TMEM260: variants seen among roughly 807,000 people sequenced by gnomAD.
TMEM260 encodes the protein protein O-mannosyl-transferase TMEM260.
A neutral mutation model predicts 88.9 loss-of-function variants in TMEM260; 82 were observed. That is an observed-to-expected ratio of 0.92 (90% CI 0.77 to 1.11). The LOEUF (loss-of-function observed/expected upper bound fraction) is 1.11. Among genes scored for constraint, TMEM260 ranks in the 50% least tolerant of loss-of-function variants. The probability of loss-of-function intolerance (pLI) is 0.00; values close to 1 mark genes in which losing one functional copy is unlikely to be tolerated. For synonymous variants in TMEM260, 314 were observed against 309.3 expected, an observed-to-expected ratio of 1.02 and a Z score of -0.16; for missense variants, 902 against 853.4, an observed-to-expected ratio of 1.06 and a Z score of -0.71.
At chr14:56,590,703 T>C (rs1364930816) in intron 3 of TMEM260, among the ~76,000 whole-genome samples, 1 of 152,256 alleles carries the variant, frequency 6.6e-6, no homozygotes, top group African/African-American at 2.4e-5. Context: ...AATGCTATCA[T>C]AGCTCTGATT....
At chr14:56,653,140 C>A (rs1890235485), downstream of TMEM260, among the ~76,000 whole-genome samples, 1 of 151,628 alleles carries the variant, frequency 6.6e-6, no homozygotes, top group Non-Finnish European at 1.5e-5. Context: ...CTAAAAAATA[C>A]AAAATTTAGC....
intron 15 of TMEM260, among the ~76,000 whole-genome samples, chr14:56,638,684 T>A (rs922316192): frequency 9.9e-5 from 15 of 152,100 alleles, no homozygotes; most frequent in Non-Finnish European, 2.1e-4. Flanking sequence ...CCACCCCCAG[T>A]GCTAGTTTTT....
At chr14:56,662,552 C>G in the TMEM260 span, among the ~76,000 whole-genome samples, 1 of 152,206 alleles carries the variant, frequency 6.6e-6, no homozygotes, top group African/African-American at 2.4e-5. Flanking sequence ...ACCAGAACCA[C>G]CCCTGTGCCC....
intron 4 of TMEM260, among the ~76,000 whole-genome samples, chr14:56,604,676 T>TA (rs1032763377): frequency 6.6e-5 from 10 of 152,268 alleles, no homozygotes; most frequent in East Asian, 1.9e-4. Flanking sequence ...CTGATTATGT[T>TA]AAAAAAATTA....
intron 7 of TMEM260, chr14:56,615,449 A>G (rs983289170): frequency 2.0e-5 from 3 of 152,358 alleles, no homozygotes; most frequent in African/African-American, 7.2e-5. Context: ...GAAAACAAGG[A>G]AACCAATTAA....
chr14:56,595,363 A>T (rs1008675135), intron 3 of TMEM260, among the ~76,000 whole-genome samples: 12 of 152,206 alleles, frequency 7.9e-5, no homozygotes, highest in Admixed American at 7.9e-4. Flanking sequence ...TAAAATATAA[A>T]ATGGGAAATT....
At chr14:56,599,056 T>C (rs17091765) in intron 3 of TMEM260, among the ~76,000 whole-genome samples, 2,873 of 152,208 alleles carry the variant, frequency 0.019, 87 homozygotes, top group African/African-American at 0.065. Flanking sequence ...TGGTATGACT[T>C]TAGCTTTCAT....
At chr14:56,649,668 A>G (rs1890159670), downstream of TMEM260, among the ~76,000 whole-genome samples, 1 of 152,166 alleles carries the variant, frequency 6.6e-6, no homozygotes, top group South Asian at 2.1e-4. Flanking sequence ...TATATTTCCT[A>G]TTAGTAGCCT....
intron 15 of TMEM260, among the ~76,000 whole-genome samples, chr14:56,644,429 G>A (rs1467026874): frequency 6.6e-6 from 1 of 152,194 alleles, no homozygotes; most frequent in Non-Finnish European, 1.5e-5. Flanking sequence ...AATAAATGGT[G>A]CTGGGAAAAC....
intron 15 of TMEM260, chr14:56,638,360 T>G (rs1889286646): frequency 6.6e-6 from 1 of 152,130 alleles, no homozygotes; most frequent in Non-Finnish European, 1.5e-5. Flanking sequence ...TGAAAAGATC[T>G]CCTTTCACAT....
chr14:56,636,444 T>C, intron 14 of TMEM260, 64 bp from the exon 15 acceptor site: 1 of 1,305,312 alleles, frequency 7.7e-7, no homozygotes, highest in Non-Finnish European at 1.1e-6. Flanking sequence ...CTGGAAGATT[T>C]AGCTAGCCCT....
At chr14:56,642,682 G>C (rs1889685910) in intron 15 of TMEM260, among the ~76,000 whole-genome samples, 1 of 152,248 alleles carries the variant, frequency 6.6e-6, no homozygotes, top group African/African-American at 2.4e-5. Flanking sequence ...AGGAAATAGA[G>C]ACACAAAAAA....
rs1889408621 is a variant in TMEM260, at chr14:56,639,590, TTTCTGCA to T, written c.1869+2995_1869+3001del. Among the ~76,000 whole-genome samples the T allele has an allele frequency of 2.6e-5, 4 of 152,288 alleles. No homozygotes were observed. In the South Asian group the frequency reaches 8.3e-4, roughly 32 times the overall value. On this transcript the variant is annotated intron_variant, in intron 15 of 15. Coordinates refer to ENST00000261556, the MANE Select transcript of TMEM260 (RefSeq NM_017799.4). ...CATGAGCAACGCAGAAGACGGGTGA[TTTCTGCA>T]TTTCCAACTGAGGTACCGGGTTCAT...
chr14:56,617,075 G>A (rs1224647189), intron 8 of TMEM260, 108 bp from the exon 9 acceptor site: 10 of 589,846 alleles, frequency 1.7e-5, no homozygotes, highest in Middle Eastern at 4.9e-4. Flanking sequence ...TTTGCTCCTA[G>A]TTAAAAATGG....
chr14:56,580,404 G>A lies in TMEM260; in HGVS notation c.160+330G>A, dbSNP rs769707958. 7.9e-5 allele frequency among the ~76,000 whole-genome samples: 12 copies of A among 152,264 alleles called. No homozygotes were observed. The South Asian group carries it at 2.1e-3, about 26-fold the overall frequency. ...TTTTTAGTCCACAGATATTATTCAC[G>A]GTGTCCTTATTATGTTTCAAACAAA... On this transcript the variant is annotated intron_variant, in intron 1 of 15. Coordinates refer to ENST00000261556, the MANE Select transcript of TMEM260 (RefSeq NM_017799.4).
the TMEM260 span, among the ~76,000 whole-genome samples, chr14:56,660,742 C>T: frequency 2.0e-5 from 3 of 152,298 alleles, no homozygotes; most frequent in African/African-American, 7.2e-5. Context: ...GGAAGTGAAT[C>T]TTGTGTCACA....
At chr14:56,589,114 A>G (rs922007485) in intron 3 of TMEM260, among the ~76,000 whole-genome samples, 4 of 152,162 alleles carry the variant, frequency 2.6e-5, no homozygotes, top group African/African-American at 7.2e-5. Context: ...TGAAGTCACT[A>G]TCATTAAACA....
chr14:56,626,824 G>C (rs1440417772), intron 12 of TMEM260, among the ~76,000 whole-genome samples: 2 of 152,172 alleles, frequency 1.3e-5, no homozygotes, highest in Non-Finnish European at 2.9e-5. Context: ...AAAGTGTGAA[G>C]ACGATCAGTA....
Position 56,628,212 on chromosome 14 carries a change from C to T in TMEM260, c.1547+2682C>T, listed in dbSNP as rs1888356754. 2.0e-5 allele frequency among the ~76,000 whole-genome samples: 3 copies of T among 152,142 alleles called. No homozygotes were observed. The South Asian group carries it at 6.2e-4, about 31-fold the overall frequency. ...CATTTATAAATAGAGCTGCTATAAA[C>T]ATTCATAAACAGGTTTGTGTGTGAG... is the stretch of plus-strand genomic sequence containing the variant. On this transcript the variant is annotated intron_variant, in intron 12 of 15. Coordinates refer to ENST00000261556, the MANE Select transcript of TMEM260 (RefSeq NM_017799.4).
Sources: allele counts gnomAD v4.1 joint callset (sites outside exome capture counted in the v4.1 genomes callset), GRCh38; gene constraint gnomAD v4.1.1; transcripts MANE v1.5; gene names NCBI Gene and HGNC (gene_info 2026-07-23, HGNC 2026-07-21).